SLFN12L: variants seen among roughly 807,000 people sequenced by gnomAD.
The protein encoded by SLFN12L is schlafen family member 12 like.
Under a neutral mutation model 34.8 loss-of-function variants are expected in SLFN12L, and 34 were observed. The observed-to-expected ratio is 0.98, with a 90% CI of 0.74 to 1.30. The LOEUF (loss-of-function observed/expected upper bound fraction) is 1.30. Ranked by LOEUF, SLFN12L falls within the 50% of genes most tolerant of loss-of-function variation. SLFN12L has a pLI of 0.00. For synonymous variants in SLFN12L, 259 were observed against 247.5 expected (o/e 1.05, Z -0.44); for missense variants, 703 against 696.2 (o/e 1.01, Z -0.11).
At chr17:35,482,127 A>G (rs1338893003) in intron 2 of SLFN12L, among the ~76,000 whole-genome samples, 1 of 152,180 alleles carries the variant, frequency 6.6e-6, no homozygotes, top group Admixed American at 6.5e-5. Context: ...TGGCCTCCCA[A>G]AGTTTTGGGA....
chr17:35,510,767 C>G (rs567426373), intron 2 of SLFN12L, among the ~76,000 whole-genome samples: 23 of 150,844 alleles, frequency 1.5e-4, no homozygotes, highest in African/African-American at 5.6e-4. Flanking sequence ...AAAACAGTAA[C>G]CAAAATCTCC....
chr17:35,469,327 A>T lies in SLFN12L; in HGVS notation c.*5596T>A, dbSNP rs9910931. On this transcript the variant is annotated 3_prime_UTR_variant, in exon 5 of 5. Coordinates refer to ENST00000628453, the MANE Select transcript of SLFN12L (RefSeq NM_001363830.2). ...AAAATATATATATATTATATATATAAATATATATATAATATATATATATAT... is the reference window on the plus strand; with the variant it reads ...AAAATATATATATATTATATATATATATATATATATAATATATATATATAT... Among the ~76,000 whole-genome samples, 9 of 100,846 alleles carry T rather than the reference A, an allele frequency of 8.9e-5. No homozygotes were observed. The highest frequency in any genetic ancestry group is 1.2e-4 in the African/African-American group (3 of 25,922). 66.2% of individuals were successfully genotyped at this position (100,846 alleles called of 152,430 possible).
chr17:35,489,002 G>A (rs1914725363), intron 2 of SLFN12L, among the ~76,000 whole-genome samples: 2 of 152,012 alleles, frequency 1.3e-5, no homozygotes, highest in Admixed American at 1.3e-4. Context: ...CCGGGGAGGC[G>A]GAAGTTGCAG....
chr17:35,495,694 C>G (rs1915031684), intron 2 of SLFN12L, among the ~76,000 whole-genome samples: 1 of 150,142 alleles, frequency 6.7e-6, no homozygotes, highest in Non-Finnish European at 1.5e-5. Flanking sequence ...CCCACCAGTC[C>G]GATTCTGCTC....
At chr17:35,495,381 A>G (rs1863402136) in intron 2 of SLFN12L, among the ~76,000 whole-genome samples, 1 of 152,170 alleles carries the variant, frequency 6.6e-6, no homozygotes, top group Non-Finnish European at 1.5e-5. Context: ...AATTTCCTTC[A>G]TATTATACAC....
At chr17:35,515,237 G>C in intron 2 of SLFN12L, 1 of 496,666 alleles carries the variant, frequency 2.0e-6, no homozygotes, top group Non-Finnish European at 3.8e-6. Context: ...GGAAAGGAGC[G>C]GTTGCCCACA....
intron 1 of SLFN12L, among the ~76,000 whole-genome samples, chr17:35,531,341 G>C (rs996649255): frequency 2.6e-5 from 4 of 152,136 alleles, no homozygotes; most frequent in African/African-American, 9.7e-5. Flanking sequence ...ATAGACTTCT[G>C]AGCAGGAAAT....
chr17:35,498,159 C>T (rs1364627480), intron 2 of SLFN12L: 9 of 462,614 alleles, frequency 1.9e-5, no homozygotes, highest in Non-Finnish European at 3.3e-5. Flanking sequence ...GAGGCGGAAG[C>T]ATCTCGATCC....
Position 35,511,468 on chromosome 17 carries a change from G to C in SLFN12L, c.86+10811C>G, listed in dbSNP as rs544259392. ...ATTAAGTGTGACATAAGTTCTAGTTGTCTGTTAATAGAAAAGCATCACTTT... is the reference window on the plus strand; with the variant it reads ...ATTAAGTGTGACATAAGTTCTAGTTCTCTGTTAATAGAAAAGCATCACTTT... On this transcript the variant is annotated intron_variant, in intron 2 of 4. Coordinates refer to ENST00000628453, the MANE Select transcript of SLFN12L (RefSeq NM_001363830.2). Among the ~76,000 whole-genome samples the C allele has an allele frequency of 1.4e-4, 21 of 152,266 alleles. No individual in the cohort carries two copies. The South Asian group carries it at 4.4e-3, about 32-fold the overall frequency.
At chr17:35,494,632 G>A (rs1464737288) in intron 2 of SLFN12L, among the ~76,000 whole-genome samples, 1 of 152,116 alleles carries the variant, frequency 6.6e-6, no homozygotes, top group Non-Finnish European at 1.5e-5. Flanking sequence ...CACACAAATA[G>A]ACCAGCAGAC....
At position 35,522,291 on chromosome 17, in the gene SLFN12L, C is replaced by T. The variant is rs1916020484; in HGVS notation, c.74G>A (p.Arg25Lys). 1.9e-6 allele frequency: 3 copies of T among 1,613,986 alleles called. No individual in the cohort carries two copies. Among genetic ancestry groups the T allele is most frequent in the Non-Finnish European group, 2.5e-6 (3 of 1,180,002 alleles). Residue 25 changes from arginine to lysine, a missense_variant, in exon 2 of 5, where the codon AGG becomes AAG. By Grantham distance (26) the Arg-to-Lys change is conservative (BLOSUM62 2). Coordinates refer to ENST00000628453, the MANE Select transcript of SLFN12L (RefSeq NM_001363830.2). Reference protein sequence around the residue: ...ILYICESQFLRNFIRKEFLRG... With the variant: ...ILYICESQFLKNFIRKEFLRG... ...TCCAACTGCTTACCTGATGAAATTC[C>T]TCAGAAACTGACTTTCACAAATGTA...
chr17:35,532,716 A>C (rs1471017520), intron 1 of SLFN12L, among the ~76,000 whole-genome samples: 2 of 152,056 alleles, frequency 1.3e-5, no homozygotes, highest in Non-Finnish European at 2.9e-5. Context: ...ACACAGTGAA[A>C]TCCTCACCCC....
In SLFN12L at chr17:35,490,388, T is replaced by C. The variant is rs558911699; in HGVS notation, c.87-10193A>G. 20 of 1,311,382 alleles carry C rather than the reference T, an allele frequency of 1.5e-5. No homozygotes were observed. The South Asian group carries it at 2.3e-4, about 15-fold the overall frequency. The allele number at this position is 1,311,382 out of a possible 1,614,324, so 81.2% of individuals were successfully genotyped here. A position where few individuals can be genotyped will look rare whatever the true frequency, so the allele number is the denominator to read the frequency against. ...TCTCTTGATCTGCTCACCAAGAAGT[T>C]CATTCAGCTCCTGAACCAGTCACCC... On this transcript the variant is annotated intron_variant, in intron 2 of 4. Transcript: ENST00000628453.
At chr17:35,518,289 C>T (rs976273813) in intron 2 of SLFN12L, among the ~76,000 whole-genome samples, 2 of 152,196 alleles carry the variant, frequency 1.3e-5, no homozygotes, top group African/African-American at 2.4e-5. Flanking sequence ...TGGTGGCCCA[C>T]GCCTGTAATC....
At chr17:35,490,011 A>G (rs527432036) in intron 2 of SLFN12L, 2 of 1,591,736 alleles carry the variant, frequency 1.3e-6, no homozygotes, top group East Asian at 2.2e-5. Flanking sequence ...TCCGACATCC[A>G]GATCCTCACC....
intron 1 of SLFN12L, among the ~76,000 whole-genome samples, chr17:35,527,348 T>C (rs1253851169): frequency 6.6e-6 from 1 of 152,178 alleles, no homozygotes; most frequent in Non-Finnish European, 1.5e-5. Context: ...GAATCCTCCC[T>C]AACTCATTTT....
intron 2 of SLFN12L, chr17:35,487,830 T>A: frequency 7.2e-7 from 1 of 1,391,564 alleles, no homozygotes; most frequent in Non-Finnish European, 9.9e-7. Context: ...CTCGCTCAGC[T>A]GCATTTCTAT....
intron 2 of SLFN12L, among the ~76,000 whole-genome samples, chr17:35,509,639 C>T (rs571321769): frequency 2.2e-4 from 33 of 151,812 alleles, no homozygotes; most frequent in African/African-American, 5.3e-4. Context: ...CCTTGTAGAA[C>T]GCATAATTAA....
chr17:35,499,061 T>C, intron 2 of SLFN12L: 3 of 829,488 alleles, frequency 3.6e-6, no homozygotes, highest in Non-Finnish European at 2.0e-6. Context: ...TGCTTGCTGC[T>C]GGGTTTGACA....
Sources: gnomAD v4.1 joint callset for allele counts (sites outside exome capture counted in the v4.1 genomes callset) on GRCh38, gnomAD v4.1.1 for gene constraint, MANE v1.5 for transcripts, NCBI Gene and HGNC (gene_info 2026-07-23, HGNC 2026-07-21) for gene names.